The following DESI2 variants were observed in gnomAD, a reference collection of about 807,000 sequenced individuals.
DESI2 encodes the protein desumoylating isopeptidase 2.
Under a neutral mutation model 24.1 loss-of-function variants are expected in DESI2, and 10 were observed. The ratio of observed to expected loss-of-function variants is 0.41; its 90% CI spans 0.26 to 0.70. The LOEUF is 0.70. DESI2 is among the 30% of genes least tolerant of loss of function. The pLI is 0.29. For missense variants in DESI2, 122 were observed against 234.9 expected (o/e 0.52, Z 3.14); for synonymous variants, 71 against 87.7 (o/e 0.81, Z 1.06).
intron 1 of DESI2, among the ~76,000 whole-genome samples, chr1:244,669,391 T>C (rs1676162544): frequency 6.6e-6 from 1 of 152,004 alleles, no homozygotes; most frequent in African/African-American, 2.4e-5. Context: ...AAAAAGAAAC[T>C]AGACTGGCCA....
intron 1 of DESI2, among the ~76,000 whole-genome samples, chr1:244,655,804 C>A (rs888613876): frequency 6.6e-6 from 1 of 152,110 alleles, no homozygotes; most frequent in African/African-American, 2.4e-5. Flanking sequence ...ATCAGCTGGT[C>A]CAGTATAACT....
chr1:244,704,974 G>C (rs1004978566), intron 4 of DESI2, among the ~76,000 whole-genome samples: 1 of 152,008 alleles, frequency 6.6e-6, no homozygotes, highest in Non-Finnish European at 1.5e-5. Flanking sequence ...TTTTTAATTT[G>C]AGACACTCTT....
intron 1 of DESI2, among the ~76,000 whole-genome samples, chr1:244,672,215 T>C (rs1219037813): frequency 1.3e-5 from 2 of 152,126 alleles, no homozygotes; most frequent in Non-Finnish European, 2.9e-5. Context: ...GGTCTTGGAA[T>C]CATGGGGGCA....
At chr1:244,690,944 C>T (rs1339072962) in intron 3 of DESI2, among the ~76,000 whole-genome samples, 1 of 152,214 alleles carries the variant, frequency 6.6e-6, no homozygotes, top group African/African-American at 2.4e-5. Flanking sequence ...GAATCCACTC[C>T]TTCGGGCTCT....
chr1:244,687,195 A>T (rs1676855168), intron 2 of DESI2, among the ~76,000 whole-genome samples: 1 of 152,188 alleles, frequency 6.6e-6, no homozygotes, highest in Admixed American at 6.5e-5. Flanking sequence ...AAATCCTGCC[A>T]TGATTACATC....
intron 4 of DESI2, 132 bp from the exon 5 acceptor site, chr1:244,705,424 T>C: frequency 1.5e-6 from 1 of 665,244 alleles, no homozygotes. Context: ...AAGCCTGGAG[T>C]GACACCACTG....
At position 244,689,745 on chromosome 1, in the gene DESI2, G is replaced by A. The variant is rs1676955756; in HGVS notation, c.209+403G>A. On this transcript the variant is annotated intron_variant, in intron 3 of 4. Coordinates refer to ENST00000302550, the MANE Select transcript of DESI2 (RefSeq NM_016076.5). This position sits in a 1 kb window ranked among gnomAD's most constrained non-coding sequence, Gnocchi z 4.0. ...GGCTAGTCTTGAACTCCTGACCTCAGGTGATCCACCTGCCTCGGCCTCCCA... is the reference window on the plus strand; with the variant it reads ...GGCTAGTCTTGAACTCCTGACCTCAAGTGATCCACCTGCCTCGGCCTCCCA... 6.6e-6 allele frequency among the ~76,000 whole-genome samples: 1 copy of A among 152,046 alleles called. No individual in the cohort carries two copies.
chr1:244,666,103 C>G (rs1049435932), intron 1 of DESI2, among the ~76,000 whole-genome samples: 1 of 152,220 alleles, frequency 6.6e-6, no homozygotes, highest in African/African-American at 2.4e-5. Context: ...TTCCCACTCT[C>G]CGAGACAACT....
chr1:244,682,698 G>A (rs1054770407), intron 1 of DESI2, among the ~76,000 whole-genome samples: 2 of 152,088 alleles, frequency 1.3e-5, no homozygotes, highest in African/African-American at 2.4e-5. Context: ...TAAAAGCCAC[G>A]CAGACAATTT....
chr1:244,675,520 A>C (rs12122462), intron 1 of DESI2, among the ~76,000 whole-genome samples: 96,043 of 151,976 alleles, frequency 0.63, 31,976 homozygotes, highest in South Asian at 0.8. Context: ...TCTCAGTTCT[A>C]TTTGTTGAAA....
intron 1 of DESI2, among the ~76,000 whole-genome samples, chr1:244,670,737 C>T (rs151182562): frequency 0.011 from 1,710 of 152,296 alleles, 36 homozygotes; most frequent in African/African-American, 0.039. Context: ...GAATTAGAAT[C>T]AAACACTTTT....
intron 4 of DESI2, among the ~76,000 whole-genome samples, chr1:244,702,860 A>G (rs1463650134): frequency 1.3e-5 from 2 of 152,206 alleles, no homozygotes; most frequent in African/African-American, 4.8e-5. Flanking sequence ...GAATGAGGGA[A>G]ATGGCTGTTG....
intron 1 of DESI2, among the ~76,000 whole-genome samples, chr1:244,675,178 A>G (rs1288555696): frequency 1.3e-5 from 2 of 152,116 alleles, no homozygotes; most frequent in Non-Finnish European, 2.9e-5. Context: ...AAGAGTTCTT[A>G]TATGTATTCT....
intron 1 of DESI2, among the ~76,000 whole-genome samples, chr1:244,670,501 C>T (rs1676210038): frequency 6.6e-6 from 1 of 152,224 alleles, no homozygotes. Context: ...GTTCTGGCTA[C>T]AACTAACACT....
intron 1 of DESI2, among the ~76,000 whole-genome samples, chr1:244,654,710 A>G (rs1675585458): frequency 6.6e-6 from 1 of 152,228 alleles, no homozygotes; most frequent in South Asian, 2.1e-4. Flanking sequence ...TTGAGAAATA[A>G]TTCTCTGGAT....
intron 4 of DESI2, among the ~76,000 whole-genome samples, chr1:244,696,624 C>T (rs906232115): frequency 2.0e-5 from 3 of 151,992 alleles, no homozygotes; most frequent in African/African-American, 7.3e-5. Context: ...ATGCTTTCTT[C>T]CCCCCTTTAC....
chr1:244,662,731 G>C (rs7550009), intron 1 of DESI2, among the ~76,000 whole-genome samples: 17,563 of 152,100 alleles, frequency 0.12, 1,793 homozygotes, highest in African/African-American at 0.28. Flanking sequence ...GTTTCAAAGA[G>C]AGTGGTCAAG....
At chr1:244,670,625 G>C (rs1296398354) in intron 1 of DESI2, among the ~76,000 whole-genome samples, 1 of 122,140 alleles carries the variant, frequency 8.2e-6, no homozygotes, top group Non-Finnish European at 1.7e-5. Context: ...CATTTTGTAA[G>C]TAAGGACGTC....
chr1:244,653,615 ACCCGACCCCGGCTCTGGG>A (rs1558646442), intron 1 of DESI2: 2 of 523,472 alleles, frequency 3.8e-6, no homozygotes, highest in Non-Finnish European at 6.7e-6. Context: ...CTCAGCTTGG[ACCCGACCCCGGCTCTGGG>A]CCCGACCCCT....
Sources: allele counts gnomAD v4.1 joint callset (sites outside exome capture counted in the v4.1 genomes callset), GRCh38; gene constraint gnomAD v4.1.1; non-coding constraint Gnocchi (gnomAD v3.1); transcripts MANE v1.5; gene names NCBI Gene and HGNC (gene_info 2026-07-23, HGNC 2026-07-21).